The following FAM83B variants were observed in gnomAD, a reference collection of about 807,000 sequenced individuals.
The protein encoded by FAM83B is protein FAM83B.
In FAM83B, 26 loss-of-function variants were observed where a neutral mutation model predicts 38.8. That is an observed-to-expected ratio of 0.67 (90% CI 0.49 to 0.93). The LOEUF (loss-of-function observed/expected upper bound fraction) is 0.93, where lower values mean the gene tolerates loss of function less well. FAM83B is among the 40% of genes least tolerant of loss of function. The probability of loss-of-function intolerance (pLI) is 0.00; values close to 1 mark genes in which losing one functional copy is unlikely to be tolerated. For missense variants in FAM83B, 1,237 were observed against 1,197.3 expected (o/e 1.03, Z -0.49); for synonymous variants, 419 against 423.1 (o/e 0.99, Z 0.12).
chr6:54,923,039 C>A (rs1773205077), intron 2 of FAM83B, among the ~76,000 whole-genome samples: 1 of 152,068 alleles, frequency 6.6e-6, no homozygotes, highest in African/African-American at 2.4e-5. Flanking sequence ...GTTATAAAAA[C>A]TTTCAAAAGT....
intron 1 of FAM83B, among the ~76,000 whole-genome samples, chr6:54,864,046 C>T (rs1771647415): frequency 6.6e-6 from 1 of 152,154 alleles, no homozygotes; most frequent in African/African-American, 2.4e-5. Flanking sequence ...TAAGCTCTCT[C>T]TGTAAATGGT....
intron 2 of FAM83B, among the ~76,000 whole-genome samples, chr6:54,909,404 C>T (rs190933378): frequency 8.5e-5 from 13 of 152,224 alleles, no homozygotes; most frequent in African/African-American, 2.9e-4. Context: ...CTTGCCATTA[C>T]TTTCAGTGGT....
chr6:54,939,192 G>C (rs1773596643), intron 4 of FAM83B, among the ~76,000 whole-genome samples: 1 of 151,994 alleles, frequency 6.6e-6, no homozygotes, highest in Non-Finnish European at 1.5e-5. Flanking sequence ...TTTATTTCTG[G>C]GTTCTCTATT....
At chr6:54,880,711 G>A (rs949408571) in intron 2 of FAM83B, among the ~76,000 whole-genome samples, 9 of 152,050 alleles carry the variant, frequency 5.9e-5, no homozygotes, top group Non-Finnish European at 1.0e-4. Flanking sequence ...CCCAGGTGCT[G>A]GGATTAAAGG....
upstream of FAM83B, chr6:54,846,659 G>C (rs1771139072): frequency 6.6e-6 from 1 of 152,218 alleles, no homozygotes. Flanking sequence ...ACCTTGTCTC[G>C]GGGAGGCGCG....
intron 4 of FAM83B, among the ~76,000 whole-genome samples, chr6:54,933,472 T>C (rs922533501): frequency 1.3e-5 from 2 of 152,056 alleles, no homozygotes; most frequent in African/African-American, 4.8e-5. Flanking sequence ...TCAGGCAGCT[T>C]ATAGATCTGT....
intron 4 of FAM83B, among the ~76,000 whole-genome samples, chr6:54,931,416 T>C (rs1232227508): frequency 6.6e-6 from 1 of 152,150 alleles, no homozygotes. Flanking sequence ...TTGCTGTCTG[T>C]TTTCCCTTTC....
chr6:54,860,267 A>G (rs1771546404), intron 1 of FAM83B, among the ~76,000 whole-genome samples: 1 of 151,994 alleles, frequency 6.6e-6, no homozygotes, highest in Non-Finnish European at 1.5e-5. Flanking sequence ...GTTAACTTAG[A>G]AAAAAAATGA....
chr6:54,851,537 A>T (rs1168884773), intron 1 of FAM83B, among the ~76,000 whole-genome samples: 1 of 151,558 alleles, frequency 6.6e-6, no homozygotes, highest in Non-Finnish European at 1.5e-5. Context: ...CCATGGCGTG[A>T]TCTTGGCCCA....
chr6:54,866,913 G>T (rs1029938156), intron 1 of FAM83B, among the ~76,000 whole-genome samples: 5 of 151,974 alleles, frequency 3.3e-5, no homozygotes, highest in African/African-American at 1.2e-4. Context: ...TGTATTTATA[G>T]AATTTCAGTG....
intron 1 of FAM83B, among the ~76,000 whole-genome samples, chr6:54,864,744 A>G (rs1269244923): frequency 1.3e-5 from 2 of 152,226 alleles, no homozygotes; most frequent in Admixed American, 1.3e-4. Flanking sequence ...GAAAAGATAT[A>G]TGATTTTCAA....
intron 4 of FAM83B, among the ~76,000 whole-genome samples, chr6:54,931,322 A>C (rs1036775914): frequency 6.6e-6 from 1 of 152,106 alleles, no homozygotes; most frequent in South Asian, 2.1e-4. Context: ...ACTCTTGTTC[A>C]AGTTGTCTGT....
intron 1 of FAM83B, among the ~76,000 whole-genome samples, chr6:54,861,482 A>G (rs965951206): frequency 2.0e-5 from 3 of 152,144 alleles, no homozygotes; most frequent in Non-Finnish European, 2.9e-5. Context: ...ACTTGAGCCC[A>G]GGAGGTGGAG....
intron 4 of FAM83B, 79 bp from the exon 5 acceptor site, chr6:54,939,627 A>T (rs1431533534): frequency 1.1e-5 from 15 of 1,306,434 alleles, no homozygotes; most frequent in Non-Finnish European, 1.3e-5. Context: ...CATAGTCATT[A>T]AGTGATACTT....
intron 2 of FAM83B, among the ~76,000 whole-genome samples, chr6:54,893,655 C>T (rs984773885): frequency 6.6e-6 from 1 of 152,132 alleles, no homozygotes; most frequent in Non-Finnish European, 1.5e-5. Flanking sequence ...GTTGTATATA[C>T]AGCCAGTATC....
intron 2 of FAM83B, among the ~76,000 whole-genome samples, chr6:54,905,535 T>G (rs1213682223): frequency 6.6e-6 from 1 of 152,194 alleles, no homozygotes; most frequent in East Asian, 1.9e-4. Context: ...TTGGCCGTTT[T>G]GGAATACAAT....
chr6:54,850,272 T>C (rs757417471), intron 1 of FAM83B, among the ~76,000 whole-genome samples: 18 of 152,208 alleles, frequency 1.2e-4, no homozygotes, highest in Non-Finnish European at 2.5e-4. Flanking sequence ...AGTATTAACA[T>C]TCTTTAGGCT....
In FAM83B at chr6:54,922,345, A is replaced by G. The variant is rs1773190647; in HGVS notation, c.445-4026A>G. ...TGTATTCAAAAAATTCTGATTAAAA[A>G]AATTAGTGCCAGACTGCACCAGACA... On this transcript the variant is annotated intron_variant, in intron 2 of 4. Transcript: ENST00000306858. Among the ~76,000 whole-genome samples, 3 of 152,174 alleles carry G rather than the reference A, an allele frequency of 2.0e-5. No homozygotes were observed. The South Asian group carries it at 6.2e-4, about 32-fold the overall frequency.
Position 54,892,108 on chromosome 6 carries a change from C to G in FAM83B, c.444+21418C>G, listed in dbSNP as rs186521717. On this transcript the variant is annotated intron_variant, in intron 2 of 4. Coordinates refer to ENST00000306858, the MANE Select transcript of FAM83B (RefSeq NM_001010872.3). ...GAACATTTCTGCTTTCTCCCGTATT[C>G]CTGTAGCCACTTGCCTGAATGATCA... Among the ~76,000 whole-genome samples the G allele has an allele frequency of 1.7e-3, 258 of 152,318 alleles. 1 individual carries two copies. Among genetic ancestry groups the G allele is most frequent in the African/African-American group, 5.7e-3 (235 of 41,564 alleles).
Sources: allele counts gnomAD v4.1 joint callset (sites outside exome capture counted in the v4.1 genomes callset), GRCh38; gene constraint gnomAD v4.1.1; transcripts MANE v1.5; gene names NCBI Gene and HGNC (gene_info 2026-07-23, HGNC 2026-07-21).